The following SEZ6L variants were observed in gnomAD, a reference collection of about 807,000 sequenced individuals.
SEZ6L encodes seizure related 6 homolog like.
Under a neutral mutation model 106.2 loss-of-function variants are expected in SEZ6L, and 37 were observed. The ratio of observed to expected loss-of-function variants is 0.35; its 90% CI spans 0.27 to 0.46. The LOEUF (loss-of-function observed/expected upper bound fraction) is 0.46, where lower values mean the gene tolerates loss of function less well. SEZ6L is among the 20% of genes least tolerant of loss of function. The pLI is 1.00. For missense variants in SEZ6L, 1,172 were observed against 1,332.8 expected (o/e 0.88, Z 1.88); for synonymous variants, 541 against 570.4 (o/e 0.95, Z 0.73).
At chr22:26,244,226 G>C (rs183675836) in intron 1 of SEZ6L, 1 of 150,822 alleles carries the variant, frequency 6.6e-6, no homozygotes, top group African/African-American at 2.4e-5. Context: ...CACCCAAGTT[G>C]CATGTGCATT....
intron 1 of SEZ6L, among the ~76,000 whole-genome samples, chr22:26,260,717 A>G (rs1038009099): frequency 6.6e-6 from 1 of 152,098 alleles, no homozygotes; most frequent in African/African-American, 2.4e-5. Flanking sequence ...TTTTTCATAT[A>G]ATGACCTCTT....
intron 1 of SEZ6L, among the ~76,000 whole-genome samples, chr22:26,216,198 G>A (rs1053442143): frequency 5.3e-5 from 8 of 152,206 alleles, no homozygotes; most frequent in Non-Finnish European, 1.0e-4. Flanking sequence ...GGGACCTTGC[G>A]CAGTCCCACG....
chr22:26,365,235 A>G (rs2083766280), intron 12 of SEZ6L, 137 bp from the exon 13 acceptor site: 1 of 676,818 alleles, frequency 1.5e-6, no homozygotes, highest in Non-Finnish European at 2.5e-6. Context: ...GAGAAATAGA[A>G]AACAGTCTGA....
intron 1 of SEZ6L, among the ~76,000 whole-genome samples, chr22:26,276,308 G>A (rs994042752): frequency 2.6e-5 from 4 of 152,314 alleles, no homozygotes; most frequent in Admixed American, 1.3e-4. Context: ...TTTGAGAGAT[G>A]GAATTTGCTC....
chr22:26,369,479 T>C (rs1474648316), intron 13 of SEZ6L, among the ~76,000 whole-genome samples: 1 of 151,616 alleles, frequency 6.6e-6, no homozygotes, highest in Non-Finnish European at 1.5e-5. Context: ...TAGCTGGGAC[T>C]ACAGGCGCCC....
At chr22:26,348,513 A>AGAAGGAAGGAAGGAAGGAAG (rs200858250) in intron 11 of SEZ6L, among the ~76,000 whole-genome samples, 17 of 33,168 alleles carry the variant, frequency 5.1e-4, no homozygotes, top group African/African-American at 3.1e-3. Context: ...TGGGAGAGAG[A>AGAAGGAAGGAAGGAAGGAAG]GAAGGAAGGA....
At chr22:26,225,653 T>C (rs188523673) in intron 1 of SEZ6L, among the ~76,000 whole-genome samples, 11 of 152,328 alleles carry the variant, frequency 7.2e-5, no homozygotes, top group Non-Finnish European at 1.3e-4. Context: ...AGGAAAATTG[T>C]TGCCATCCCA....
chr22:26,303,470 C>A (rs962526618), intron 5 of SEZ6L, among the ~76,000 whole-genome samples: 15 of 152,126 alleles, frequency 9.9e-5, no homozygotes, highest in Non-Finnish European at 1.5e-4. Context: ...TGCCATATAC[C>A]TTTCTGGATT....
At chr22:26,324,287 T>A (rs2082245720) in intron 9 of SEZ6L, among the ~76,000 whole-genome samples, 1 of 152,126 alleles carries the variant, frequency 6.6e-6, no homozygotes, top group South Asian at 2.1e-4. Flanking sequence ...GTGCCTTCCT[T>A]TGCTCCTCTG....
chr22:26,209,592 AG>A (rs979476026), intron 1 of SEZ6L, among the ~76,000 whole-genome samples: 9 of 150,834 alleles, frequency 6.0e-5, no homozygotes, highest in Non-Finnish European at 1.3e-4. Context: ...GATAGATGGT[AG>A]GAAAAAAGGA....
intron 5 of SEZ6L, among the ~76,000 whole-genome samples, chr22:26,304,342 A>G (rs1187560443): frequency 7.1e-6 from 1 of 141,006 alleles, no homozygotes; most frequent in African/African-American, 2.8e-5. Context: ...ACAGAGCAAG[A>G]GTTTGTCTCA....
chr22:26,234,653 A>G (rs905135974), intron 1 of SEZ6L, among the ~76,000 whole-genome samples: 1 of 152,232 alleles, frequency 6.6e-6, no homozygotes, highest in Non-Finnish European at 1.5e-5. Flanking sequence ...GGGAAACCCA[A>G]CTGCTGGCTT....
chr22:26,214,178 A>G (rs1020204178), intron 1 of SEZ6L, among the ~76,000 whole-genome samples: 1 of 152,224 alleles, frequency 6.6e-6, no homozygotes, highest in African/African-American at 2.4e-5. Context: ...ATACAGTCTA[A>G]TGGTTAAGAA....
At chr22:26,254,474 C>A (rs2145801851) in intron 1 of SEZ6L, among the ~76,000 whole-genome samples, 1 of 152,164 alleles carries the variant, frequency 6.6e-6, no homozygotes, top group East Asian at 1.9e-4. Context: ...ACATGTAGGC[C>A]AGCTGCAGTG....
At position 26,280,428 on chromosome 22, in the gene SEZ6L, G is replaced by C. The variant is rs111664338; in HGVS notation, c.95-11978G>C. ...TTCTTTCAAAGTTCCTTTATGCACAGGTAAACAAATGCAAATATATGTAGC... is the reference window on the plus strand; with the variant it reads ...TTCTTTCAAAGTTCCTTTATGCACACGTAAACAAATGCAAATATATGTAGC... On this transcript the variant is annotated intron_variant, in intron 1 of 16. Transcript: ENST00000248933. Among the ~76,000 whole-genome samples, 617 of 152,226 alleles carry C rather than the reference G, an allele frequency of 4.1e-3. 2 individuals are homozygous for C. The highest frequency in any genetic ancestry group is 0.014 in the African/African-American group (580 of 41,526).
chr22:26,334,704 G>A (rs543044328), intron 9 of SEZ6L, among the ~76,000 whole-genome samples: 1 of 152,296 alleles, frequency 6.6e-6, no homozygotes, highest in East Asian at 1.9e-4. Context: ...AGAAGAAAGA[G>A]GTGGATGTAG....
chr22:26,262,200 T>C (rs1029107956), intron 1 of SEZ6L, among the ~76,000 whole-genome samples: 1 of 149,588 alleles, frequency 6.7e-6, no homozygotes, highest in Non-Finnish European at 1.5e-5. Flanking sequence ...TTTATATTGA[T>C]ATATAAAAGA....
At chr22:26,372,255 A>C (rs2084061971) in intron 13 of SEZ6L, among the ~76,000 whole-genome samples, 1 of 152,182 alleles carries the variant, frequency 6.6e-6, no homozygotes, top group Admixed American at 6.5e-5. Context: ...AGGAATCTGC[A>C]TTTAACATGC....
chr22:26,178,545 G>A, intron 1 of SEZ6L, among the ~76,000 whole-genome samples: 1 of 152,190 alleles, frequency 6.6e-6, no homozygotes, highest in Non-Finnish European at 1.5e-5. Context: ...CAAGGTAGGT[G>A]GATACAGTAT....
Sources: allele counts gnomAD v4.1 joint callset (sites outside exome capture counted in the v4.1 genomes callset), GRCh38; gene constraint gnomAD v4.1.1; transcripts MANE v1.5; gene names NCBI Gene and HGNC (gene_info 2026-07-23, HGNC 2026-07-21).